Variants in OR56A3 observed in about 807,000 individuals in gnomAD.
The protein encoded by OR56A3 is olfactory receptor family 56 subfamily A member 3.
Under a neutral mutation model 17.5 loss-of-function variants are expected in OR56A3, and 23 were observed. That is an observed-to-expected ratio of 1.32 (90% confidence interval 0.95 to 1.87). The LOEUF (loss-of-function observed/expected upper bound fraction) is 1.87. Among genes scored for constraint, OR56A3 ranks in the 40% most tolerant of loss-of-function variants. The probability of loss-of-function intolerance (pLI) is 0.00; values close to 1 mark genes in which losing one functional copy is unlikely to be tolerated. For missense variants in OR56A3, 366 were observed against 380.1 expected, an observed-to-expected ratio of 0.96 and a Z score of 0.31; for synonymous variants, 175 against 150.6, an observed-to-expected ratio of 1.16 and a Z score of -1.19.
At chr11:6,007,965 C>T in the OR56A3 span, among the ~76,000 whole-genome samples, 7 of 152,282 alleles carry the variant, frequency 4.6e-5, no homozygotes, top group African/African-American at 1.4e-4. Flanking sequence ...TTTGTCTAAA[C>T]TTTTTGTTTC....
chr11:5,982,247 G>T, the OR56A3 span, among the ~76,000 whole-genome samples: 1 of 152,172 alleles, frequency 6.6e-6, no homozygotes, highest in Non-Finnish European at 1.5e-5. Context: ...TGGGGTCCAC[G>T]CATACGTGTG....
chr11:6,016,686 C>T, the OR56A3 span, among the ~76,000 whole-genome samples: 1 of 151,362 alleles, frequency 6.6e-6, no homozygotes, highest in African/African-American at 2.4e-5. Flanking sequence ...TTATTAAATG[C>T]CTGAAAAAGA....
At chr11:6,011,079 A>G in the OR56A3 span, among the ~76,000 whole-genome samples, 5 of 152,172 alleles carry the variant, frequency 3.3e-5, no homozygotes, top group African/African-American at 1.2e-4. Flanking sequence ...AAACTAATAA[A>G]TGCTCCTATC....
chr11:5,972,499 G>A, the OR56A3 span, among the ~76,000 whole-genome samples: 1 of 152,100 alleles, frequency 6.6e-6, no homozygotes, highest in Admixed American at 6.6e-5. Flanking sequence ...TCCTGCTTGA[G>A]GAATCTACTG....
the OR56A3 span, chr11:6,021,330 T>C: frequency 6.6e-6 from 1 of 152,080 alleles, no homozygotes; most frequent in African/African-American, 2.4e-5. Context: ...ACTAGTGTTT[T>C]ACAGAACTAA....
At chr11:5,994,164 C>A in the OR56A3 span, 1 of 510,810 alleles carries the variant, frequency 2.0e-6, no homozygotes, top group Non-Finnish European at 3.8e-6. Context: ...TGAGCTGCTC[C>A]ATCTGCAGGG....
the OR56A3 span, chr11:5,986,877 A>G: frequency 3.1e-6 from 5 of 1,613,888 alleles, no homozygotes; most frequent in Non-Finnish European, 4.2e-6. Flanking sequence ...TTGAATTGCT[A>G]AGGAGCATTA....
chr11:5,985,831 G>A, the OR56A3 span: 4 of 1,004,436 alleles, frequency 4.0e-6, no homozygotes, highest in Non-Finnish European at 5.7e-6. Flanking sequence ...AGACTAGAAG[G>A]AATACTCACT....
the OR56A3 span, chr11:6,002,588 G>A: frequency 0.27 from 436,530 of 1,613,924 alleles, 61,839 homozygotes; most frequent in Middle Eastern, 0.3. Context: ...TGATAGACGG[G>A]TATCTCAATG....
the OR56A3 span, chr11:5,985,904 A>C: frequency 6.5e-7 from 1 of 1,543,094 alleles, no homozygotes; most frequent in Non-Finnish European, 8.7e-7. Context: ...GGTCCGCAGA[A>C]GAAGCCTCCG....
chr11:6,009,161 C>G, the OR56A3 span, among the ~76,000 whole-genome samples: 1 of 152,136 alleles, frequency 6.6e-6, no homozygotes, highest in African/African-American at 2.4e-5. Flanking sequence ...TGATACATTT[C>G]CAGTTCAACC....
At chr11:5,971,111 A>T in the OR56A3 span, among the ~76,000 whole-genome samples, 1 of 152,024 alleles carries the variant, frequency 6.6e-6, no homozygotes, top group Non-Finnish European at 1.5e-5. Context: ...GGGGAATCTT[A>T]AACAAGTCAT....
chr11:5,994,495 T>C, the OR56A3 span: 4 of 772,132 alleles, frequency 5.2e-6, no homozygotes, highest in East Asian at 2.5e-5. Flanking sequence ...TCTGAGCTTG[T>C]AGGCCTTTTA....
At chr11:6,002,441 G>T in the OR56A3 span, 7 of 1,614,112 alleles carry the variant, frequency 4.3e-6, no homozygotes, top group African/African-American at 4.0e-5. Flanking sequence ...ACACAGACAG[G>T]TTACTGCAGA....
At chr11:5,955,720 G>A (rs764176635), downstream of OR56A3, among the ~76,000 whole-genome samples, 6 of 152,142 alleles carry the variant, frequency 3.9e-5, no homozygotes, top group East Asian at 1.9e-4. Context: ...CAGATGTACC[G>A]TAGTTCTTGA....
the OR56A3 span, among the ~76,000 whole-genome samples, chr11:5,981,751 C>CA: frequency 2.6e-5 from 4 of 152,260 alleles, no homozygotes; most frequent in African/African-American, 9.6e-5. Flanking sequence ...TTTGAGTTGA[C>CA]AGAGTTCTTA....
chr11:6,000,166 A>C, the OR56A3 span: 2 of 152,256 alleles, frequency 1.3e-5, no homozygotes, highest in Non-Finnish European at 2.9e-5. Context: ...ATGCACATGT[A>C]TGTTTATTGC....
the OR56A3 span, among the ~76,000 whole-genome samples, chr11:5,962,375 T>A: frequency 6.6e-6 from 1 of 152,202 alleles, no homozygotes; most frequent in Non-Finnish European, 1.5e-5. Flanking sequence ...TGTTCTCATC[T>A]AGTTTTGGTA....
At chr11:6,003,396 A>G in the OR56A3 span, among the ~76,000 whole-genome samples, 1 of 152,138 alleles carries the variant, frequency 6.6e-6, no homozygotes, top group Non-Finnish European at 1.5e-5. Context: ...CTTTACTAAT[A>G]TTTACTTTAC....
Sources: gnomAD v4.1 joint callset for allele counts (sites outside exome capture counted in the v4.1 genomes callset) on GRCh38, gnomAD v4.1.1 for gene constraint, MANE v1.5 for transcripts, NCBI Gene and HGNC (gene_info 2026-07-23, HGNC 2026-07-21) for gene names.